NLK: variants seen among roughly 807,000 people sequenced by gnomAD.
NLK encodes the protein nemo like kinase.
A neutral mutation model predicts 59.0 loss-of-function variants in NLK; 11 were observed. The observed-to-expected ratio is 0.19, with a 90% CI of 0.12 to 0.31. The LOEUF (loss-of-function observed/expected upper bound fraction) is 0.31, where lower values mean the gene tolerates loss of function less well. Among genes scored for constraint, NLK ranks in the 10% least tolerant of loss-of-function variants. NLK has a pLI of 1.00. For missense variants in NLK, 410 were observed against 661.1 expected (o/e 0.62, Z 4.16); for synonymous variants, 235 against 235.9 (o/e 1.00, Z 0.03).
chr17:28,145,881 T>C (rs1432719134), intron 3 of NLK, among the ~76,000 whole-genome samples: 1 of 151,996 alleles, frequency 6.6e-6, no homozygotes, highest in Non-Finnish European at 1.5e-5. Context: ...AATTTTTATA[T>C]TTTTTAGTAG....
intron 1 of NLK, among the ~76,000 whole-genome samples, chr17:28,118,679 G>T (rs1238733470): frequency 1.3e-5 from 2 of 152,116 alleles, no homozygotes; most frequent in African/African-American, 4.8e-5. Flanking sequence ...AATGCTTCCT[G>T]TTTTGTTATT....
intron 3 of NLK, among the ~76,000 whole-genome samples, chr17:28,145,835 A>C (rs1308553792): frequency 6.6e-6 from 1 of 152,028 alleles, no homozygotes; most frequent in Non-Finnish European, 1.5e-5. Context: ...CCTCCTGAGT[A>C]ACTGGGATTA....
chr17:28,145,829 CTGAG>C (rs1018547102), intron 3 of NLK, among the ~76,000 whole-genome samples: 1 of 152,104 alleles, frequency 6.6e-6, no homozygotes, highest in African/African-American at 2.4e-5. Flanking sequence ...CCTCAGCCTC[CTGAG>C]TAACTGGGAT....
At position 28,182,010 on chromosome 17, in the gene NLK, AAAAC is replaced by A. The variant is rs201932041; in HGVS notation, c.1150-3157_1150-3154del. On this transcript the variant is annotated intron_variant, in intron 7 of 10. Coordinates refer to ENST00000407008, the MANE Select transcript of NLK (RefSeq NM_016231.5). ...GGGGGACAGAGCAAGACCCTGTCTC[AAAAC>A]AAACAAACAAAAAACAGACATACAA... 8.4e-3 allele frequency among the ~76,000 whole-genome samples: 1,287 copies of A among 152,312 alleles called. 18 individuals are homozygous for A. The highest frequency in any genetic ancestry group is 0.029 in the African/African-American group (1,203 of 41,556).
intron 3 of NLK, among the ~76,000 whole-genome samples, chr17:28,148,545 T>A (rs1907350630): frequency 6.6e-6 from 1 of 152,096 alleles, no homozygotes; most frequent in Non-Finnish European, 1.5e-5. Flanking sequence ...GTAGCAAAAT[T>A]TGCCTCTTGA....
At chr17:28,202,953 A>T in the NLK span, among the ~76,000 whole-genome samples, 1 of 151,740 alleles carries the variant, frequency 6.6e-6, no homozygotes, top group Non-Finnish European at 1.5e-5. Flanking sequence ...AAGTGCCAGG[A>T]TTACAGGCAT....
chr17:28,200,450 G>A (rs1044813340), downstream of NLK, among the ~76,000 whole-genome samples: 19 of 152,066 alleles, frequency 1.2e-4, no homozygotes, highest in African/African-American at 2.9e-4. Flanking sequence ...GTACACCAAC[G>A]AAAGAGTCAA....
At chr17:28,177,820 A>G (rs1430680131) in intron 7 of NLK, among the ~76,000 whole-genome samples, 1 of 152,244 alleles carries the variant, frequency 6.6e-6, no homozygotes, top group East Asian at 1.9e-4. Flanking sequence ...TGGAGCAGAT[A>G]GAGTAGCTTA....
chr17:28,141,414 T>A (rs1043208127), intron 3 of NLK, among the ~76,000 whole-genome samples: 2 of 152,200 alleles, frequency 1.3e-5, no homozygotes, highest in African/African-American at 4.8e-5. Flanking sequence ...CTAGCATCTG[T>A]AGATTGATGT....
intron 1 of NLK, among the ~76,000 whole-genome samples, chr17:28,059,233 TTTA>T (rs748030786): frequency 1.2e-4 from 18 of 152,020 alleles, no homozygotes; most frequent in Middle Eastern, 3.2e-3. Flanking sequence ...CTTGTTATTA[TTTA>T]TTATTATTAT....
chr17:28,171,265 C>G (rs964814063), intron 6 of NLK: 1 of 152,134 alleles, frequency 6.6e-6, no homozygotes, highest in African/African-American at 2.4e-5. Flanking sequence ...CTGATGGCTA[C>G]CCCATGGTTT....
intron 3 of NLK, among the ~76,000 whole-genome samples, chr17:28,137,627 T>C (rs1906811788): frequency 6.6e-6 from 1 of 152,144 alleles, no homozygotes; most frequent in African/African-American, 2.4e-5. Flanking sequence ...TATCGGTGTA[T>C]AGTATCATGC....
At chr17:28,203,222 C>A in the NLK span, among the ~76,000 whole-genome samples, 2 of 151,050 alleles carry the variant, frequency 1.3e-5, no homozygotes, top group Non-Finnish European at 3.0e-5. Flanking sequence ...GTTGTCCAGG[C>A]TGGTCTCCTG....
At chr17:28,084,581 C>T (rs1426842157) in intron 1 of NLK, among the ~76,000 whole-genome samples, 2 of 148,072 alleles carry the variant, frequency 1.4e-5, no homozygotes, top group East Asian at 2.0e-4. Context: ...TTTTTTTTTT[C>T]GAGATGGAGT....
chr17:28,204,138 T>A, the NLK span, among the ~76,000 whole-genome samples: 1 of 152,194 alleles, frequency 6.6e-6, no homozygotes, highest in African/African-American at 2.4e-5. Flanking sequence ...GAAGTAGGTA[T>A]TTCTTATATT....
Position 28,196,165 on chromosome 17 carries a change from T to G in NLK, c.*1529T>G, listed in dbSNP as rs932946424. On this transcript the variant is annotated 3_prime_UTR_variant, in exon 11 of 11. Transcript: ENST00000407008. ...AAACAAAGATGGTGCAATATCTTTG[T>G]TTTTTTTTTATGAGGCTCCTGAGAA... The G allele has an allele frequency of 4.0e-5, 6 of 148,968 alleles. No individual in the cohort carries two copies. The highest frequency in any genetic ancestry group is 7.5e-5 in the Non-Finnish European group (5 of 66,846). The allele number at this position is 148,968 out of a possible 1,614,324, so 9.2% of individuals were successfully genotyped here.
At chr17:28,078,840 A>G (rs957302733) in intron 1 of NLK, among the ~76,000 whole-genome samples, 3 of 152,206 alleles carry the variant, frequency 2.0e-5, no homozygotes, top group Non-Finnish European at 2.9e-5. Flanking sequence ...CCCTTAAAAA[A>G]AAGACCTTAG....
intron 1 of NLK, among the ~76,000 whole-genome samples, chr17:28,114,549 T>G (rs1905673197): frequency 6.6e-6 from 1 of 152,244 alleles, no homozygotes; most frequent in Non-Finnish European, 1.5e-5. Flanking sequence ...AAGACGTTCT[T>G]GATTTTAAGG....
chr17:28,185,190 T>C lies in NLK; in HGVS notation c.1161T>C (p.Pro387=), dbSNP rs1231714219. ...TAATTTTTTCACAGCCATCTCTTCC[T>C]GTACTCTATACCCTGTCTAGCCAGG... ...LRGPHKQPSL[P]VLYTLSSQAT... The change falls in exon 8 of 11, where the codon CCT becomes CCC. Residue 387 remains proline, a synonymous_variant. Transcript: ENST00000407008. The C allele has an allele frequency of 6.3e-7, 1 of 1,579,092 alleles. No homozygotes were observed. The highest frequency in any genetic ancestry group is 1.2e-5 in the South Asian group (1 of 85,072).
Sources: allele counts gnomAD v4.1 joint callset (sites outside exome capture counted in the v4.1 genomes callset), GRCh38; gene constraint gnomAD v4.1.1; transcripts MANE v1.5; gene names NCBI Gene and HGNC (gene_info 2026-07-23, HGNC 2026-07-21).